The following CDYL2 variants were observed in gnomAD, a reference collection of about 807,000 sequenced individuals.
The protein encoded by CDYL2 is chromodomain Y like 2, also known as chromodomain Y-like protein 2.
A neutral mutation model predicts 49.4 loss-of-function variants in CDYL2; 23 were observed. The ratio of observed to expected loss-of-function variants is 0.47; its 90% confidence interval spans 0.34 to 0.66. The LOEUF (loss-of-function observed/expected upper bound fraction) is 0.66, where lower values mean the gene tolerates loss of function less well. CDYL2 is among the 30% of genes least tolerant of loss of function. The pLI is 0.01. For synonymous variants in CDYL2, 360 were observed against 268.8 expected (o/e 1.34, Z -3.32); for missense variants, 678 against 656.4 (o/e 1.03, Z -0.36).
At chr16:80,614,091 G>A (rs1372970216) in intron 4 of CDYL2, among the ~76,000 whole-genome samples, 1 of 152,228 alleles carries the variant, frequency 6.6e-6, no homozygotes, top group South Asian at 2.1e-4. Flanking sequence ...GCACCGCTTG[G>A]CTTCCATCAA....
intron 1 of CDYL2, among the ~76,000 whole-genome samples, chr16:80,733,138 G>C (rs1428335431): frequency 1.3e-5 from 2 of 152,100 alleles, no homozygotes; most frequent in Non-Finnish European, 2.9e-5. Context: ...GTCTCTTGTG[G>C]GCAAGGTTGA....
intron 1 of CDYL2, among the ~76,000 whole-genome samples, chr16:80,716,460 G>T (rs1361928573): frequency 6.6e-6 from 1 of 151,842 alleles, no homozygotes; most frequent in Non-Finnish European, 1.5e-5. Flanking sequence ...ATGGATGGAT[G>T]AATGGACGGA....
At chr16:80,779,237 T>C (rs1907187283) in intron 1 of CDYL2, among the ~76,000 whole-genome samples, 1 of 152,088 alleles carries the variant, frequency 6.6e-6, no homozygotes, top group Non-Finnish European at 1.5e-5. Context: ...CTATTCAGAA[T>C]GAAAAATAAG....
At chr16:80,663,289 G>C (rs1459881697) in intron 2 of CDYL2, among the ~76,000 whole-genome samples, 1 of 151,530 alleles carries the variant, frequency 6.6e-6, no homozygotes, top group Non-Finnish European at 1.5e-5. Flanking sequence ...AGGTGAGGTG[G>C]AGGGGAGAGT....
intron 1 of CDYL2, among the ~76,000 whole-genome samples, chr16:80,797,652 C>T (rs1162183094): frequency 6.6e-6 from 1 of 152,122 alleles, no homozygotes; most frequent in Non-Finnish European, 1.5e-5. Flanking sequence ...AAGTTTATTT[C>T]ATGTAAAATA....
At chr16:80,703,889 C>A (rs1160521836) in intron 1 of CDYL2, among the ~76,000 whole-genome samples, 4 of 152,172 alleles carry the variant, frequency 2.6e-5, no homozygotes, top group Non-Finnish European at 5.9e-5. Context: ...CCCAGGTAAG[C>A]AGAGCAGCCA....
At chr16:80,649,775 T>C (rs1272303837) in intron 2 of CDYL2, among the ~76,000 whole-genome samples, 2 of 151,918 alleles carry the variant, frequency 1.3e-5, no homozygotes, top group Non-Finnish European at 2.9e-5. Flanking sequence ...GATACAGAGA[T>C]GAATAGAACA....
intron 4 of CDYL2, among the ~76,000 whole-genome samples, chr16:80,618,680 A>G (rs959313331): frequency 1.3e-5 from 2 of 152,092 alleles, no homozygotes; most frequent in African/African-American, 2.4e-5. Flanking sequence ...CCAGGCTGGG[A>G]CAAGCCTCAT....
chr16:80,644,978 A>C (rs918922007), intron 2 of CDYL2, among the ~76,000 whole-genome samples: 1 of 152,192 alleles, frequency 6.6e-6, no homozygotes, highest in Non-Finnish European at 1.5e-5. Context: ...CACCTTATAC[A>C]AAAATTAATT....
At chr16:80,607,975 T>G (rs1906417684) in intron 6 of CDYL2, 117 bp downstream of exon 6, 1 of 1,246,938 alleles carries the variant, frequency 8.0e-7, no homozygotes. Flanking sequence ...CAAAGGGTCT[T>G]TTGCTTATTC....
chr16:80,710,406 T>G (rs1434694136), intron 1 of CDYL2, among the ~76,000 whole-genome samples: 1 of 152,176 alleles, frequency 6.6e-6, no homozygotes, highest in Non-Finnish European at 1.5e-5. Flanking sequence ...ACCAAGTAAT[T>G]CGACAGAATT....
At chr16:80,761,196 C>A (rs1302344617) in intron 1 of CDYL2, among the ~76,000 whole-genome samples, 4 of 152,154 alleles carry the variant, frequency 2.6e-5, no homozygotes, top group Non-Finnish European at 5.9e-5. Flanking sequence ...TGAAGCCCAG[C>A]AATCTGTTTG....
chr16:80,604,407 T>A lies in CDYL2; in HGVS notation c.1502A>T (p.Asp501Val). 6.2e-7 allele frequency: 1 copy of A among 1,614,098 alleles called. No homozygotes were observed. Among genetic ancestry groups the A allele is most frequent in the Non-Finnish European group, 8.5e-7 (1 of 1,179,986 alleles). The change falls in exon 7 of 7, where the codon GAC becomes GTC. Residue 501 changes from aspartate to valine, a missense_variant. Around this residue, in one of 3 missense-constraint regions of CDYL2, gnomAD observed 153 missense variants for 150.6 expected, o/e 1.02. Transcript: ENST00000570137. ...GLDSLFSYLQ[D>V]KIYEV Reference sequence around the variant, plus strand: ...GGCCCCTCAGACTTCATAAATTTTGTCCTGCAGGTAGCTGAAAAGGGAGTC... The same window carrying A: ...GGCCCCTCAGACTTCATAAATTTTGACCTGCAGGTAGCTGAAAAGGGAGTC...
In CDYL2 at chr16:80,604,437, C is replaced by T; in HGVS notation, c.1472G>A (p.Gly491Asp). 3 of 1,614,200 alleles carry T rather than the reference C, an allele frequency of 1.9e-6. No homozygotes were observed. The highest frequency in any genetic ancestry group is 2.5e-6 in the Non-Finnish European group (3 of 1,180,046). The change falls in exon 7 of 7, where the codon GGC becomes GAC. Residue 491 changes from glycine to aspartate, a missense_variant. Physicochemically the swap from Gly to Asp is moderately conservative, Grantham distance 94. Coordinates refer to ENST00000570137, the MANE Select transcript of CDYL2 (RefSeq NM_152342.4). ...MLKQLWSSSK[G>D]LDSLFSYLQD... ...CAGGTAGCTGAAAAGGGAGTCAAGG[C>T]CTTTGGAGGAGCTCCAGAGCTGCTT...
chr16:80,631,749 T>C (rs1907572382), intron 3 of CDYL2, among the ~76,000 whole-genome samples: 1 of 152,046 alleles, frequency 6.6e-6, no homozygotes, highest in South Asian at 2.1e-4. Flanking sequence ...AGGATGTGAA[T>C]AGAAAGAAGA....
intron 1 of CDYL2, among the ~76,000 whole-genome samples, chr16:80,751,025 A>G (rs1226192320): frequency 1.3e-5 from 2 of 152,014 alleles, no homozygotes; most frequent in Non-Finnish European, 2.9e-5. Context: ...ATCTTAAAAA[A>G]AAAAGTTACT....
chr16:80,618,172 G>A (rs1033612436), intron 4 of CDYL2, among the ~76,000 whole-genome samples: 2 of 152,246 alleles, frequency 1.3e-5, no homozygotes, highest in Non-Finnish European at 1.5e-5. Flanking sequence ...CTCTGCCTAA[G>A]GGGAGCTCAC....
rs367750443 is a variant in CDYL2, at chr16:80,800,506, T to G, written c.24+3644A>C. Among the ~76,000 whole-genome samples, 3 of 152,240 alleles carry G rather than the reference T, an allele frequency of 2.0e-5. No individual in the cohort carries two copies. The East Asian group carries it at 5.8e-4, about 29-fold the overall frequency. On this transcript the variant is annotated intron_variant, in intron 1 of 6. Transcript: ENST00000570137. ...GATTTTGCAGAATGCCAGGTGCAGATAGAGTCAGCCCTCCATATCCATGGG... is the reference window on the plus strand; with the variant it reads ...GATTTTGCAGAATGCCAGGTGCAGAGAGAGTCAGCCCTCCATATCCATGGG...
At chr16:80,672,603 A>AGGAAC in intron 2 of CDYL2, among the ~76,000 whole-genome samples, 1 of 150,568 alleles carries the variant, frequency 6.6e-6, no homozygotes, top group Non-Finnish European at 1.5e-5. Flanking sequence ...AGGAAAGGAA[A>AGGAAC]GGAAAGGAAA....
Sources: allele counts gnomAD v4.1 joint callset (sites outside exome capture counted in the v4.1 genomes callset), GRCh38; gene constraint gnomAD v4.1.1; regional missense constraint gnomAD v4.1.1; transcripts MANE v1.5; gene names NCBI Gene and HGNC (gene_info 2026-07-23, HGNC 2026-07-21).